The following SLC15A5 variants were observed in gnomAD, a reference collection of about 807,000 sequenced individuals.
The protein encoded by SLC15A5 is solute carrier family 15 member 5, also known as Peptide/histidine transporter ENSP00000340402.
SLC15A5 carries 58 observed loss-of-function variants against 56.1 expected under a neutral mutation model. The observed-to-expected ratio is 1.03, with a 90% CI of 0.84 to 1.29. The LOEUF is 1.29. Ranked by LOEUF, SLC15A5 falls within the 50% of genes most tolerant of loss-of-function variation. SLC15A5 has a pLI of 0.00. For missense variants in SLC15A5, 681 were observed against 672.1 expected (o/e 1.01, Z -0.15); for synonymous variants, 264 against 250.5 (o/e 1.05, Z -0.51).
intron 5 of SLC15A5, among the ~76,000 whole-genome samples, chr12:16,227,821 T>C (rs548662061): frequency 6.6e-6 from 1 of 152,324 alleles, no homozygotes; most frequent in South Asian, 2.1e-4. Flanking sequence ...GGTCATGTGC[T>C]GGTTGGTAGA....
chr12:16,203,808 G>A (rs901784945), intron 7 of SLC15A5, among the ~76,000 whole-genome samples: 1 of 151,870 alleles, frequency 6.6e-6, no homozygotes, highest in African/African-American at 2.4e-5. Context: ...AAAGTAAAAG[G>A]GTCAACTGAA....
chr12:16,202,228 T>C (rs984270956), intron 7 of SLC15A5, among the ~76,000 whole-genome samples: 1 of 152,086 alleles, frequency 6.6e-6, no homozygotes, highest in African/African-American at 2.4e-5. Flanking sequence ...CCAAAACATG[T>C]AAGGAATTCA....
In SLC15A5 at chr12:16,235,922, T is replaced by C. The variant is rs1444557605; in HGVS notation, c.1162+3759A>G. ...TATGTATACAGGGACCTACACTGAC[T>C]GTGACTATATCATAAAAGACTTTTA... On this transcript the variant is annotated intron_variant, in intron 5 of 8. Coordinates refer to ENST00000344941, the MANE Select transcript of SLC15A5 (RefSeq NM_001170798.1). This position sits in a 1 kb window ranked among gnomAD's most constrained non-coding sequence, Gnocchi z 4.1. Among the ~76,000 whole-genome samples, 1 of 152,196 alleles carries C rather than the reference T, an allele frequency of 6.6e-6. No individual in the cohort carries two copies. The highest frequency in any genetic ancestry group is 1.5e-5 in the Non-Finnish European group (1 of 68,012).
At chr12:16,245,729 A>G (rs2136791818) in intron 3 of SLC15A5, among the ~76,000 whole-genome samples, 1 of 152,300 alleles carries the variant, frequency 6.6e-6, no homozygotes, top group Non-Finnish European at 1.5e-5. Context: ...TAAATGTGAA[A>G]ATGTTTGTGT....
chr12:16,244,908 A>G (rs1484722166), intron 3 of SLC15A5, 108 bp from the exon 4 acceptor site: 1 of 1,224,314 alleles, frequency 8.2e-7, no homozygotes, highest in African/African-American at 1.5e-5. Context: ...GTGAAGTGAG[A>G]AAGTTTTTAG....
intron 5 of SLC15A5, among the ~76,000 whole-genome samples, chr12:16,238,871 C>T (rs1375056306): frequency 6.6e-6 from 1 of 152,154 alleles, no homozygotes; most frequent in African/African-American, 2.4e-5. Context: ...AGAGCTTTTG[C>T]TATGTGTCTG....
At chr12:16,253,618 C>G (rs1212371145) in intron 3 of SLC15A5, among the ~76,000 whole-genome samples, 1 of 152,034 alleles carries the variant, frequency 6.6e-6, no homozygotes, top group Non-Finnish European at 1.5e-5. Context: ...CACTTCTAAT[C>G]CCAGCATTTT....
At chr12:16,241,967 C>T (rs1864418331) in intron 4 of SLC15A5, among the ~76,000 whole-genome samples, 2 of 152,152 alleles carry the variant, frequency 1.3e-5, no homozygotes, top group South Asian at 2.1e-4. Context: ...GAAATCATCG[C>T]CCTGTAAAAT....
At position 16,237,415 on chromosome 12, in the gene SLC15A5, C is replaced by A. The variant is rs543122824; in HGVS notation, c.1162+2266G>T. On this transcript the variant is annotated intron_variant, in intron 5 of 8. Coordinates refer to ENST00000344941, the MANE Select transcript of SLC15A5 (RefSeq NM_001170798.1). The surrounding 1 kb of genome is among the most constrained non-coding windows in gnomAD (Gnocchi z 4.1). ...AATCAGTATTCTGTACCCAGTGGAA[C>A]GTAGCTTAGTTTCTTTTGAAGTGAG... Among the ~76,000 whole-genome samples the A allele has an allele frequency of 7.2e-5, 11 of 152,252 alleles. No individual in the cohort carries two copies. The highest frequency in any genetic ancestry group is 6.5e-4 in the Admixed American group (10 of 15,296).
intron 7 of SLC15A5, among the ~76,000 whole-genome samples, chr12:16,195,263 G>C (rs78267953): frequency 2.6e-5 from 4 of 151,904 alleles, no homozygotes; most frequent in Admixed American, 2.0e-4. Flanking sequence ...CTCTATCCAC[G>C]TACATACTTT....
chr12:16,217,901 GA>G (rs1044610780), intron 6 of SLC15A5, among the ~76,000 whole-genome samples: 8 of 151,710 alleles, frequency 5.3e-5, no homozygotes, highest in South Asian at 2.1e-4. Context: ...AAAAAACCAC[GA>G]AAAAAATTTT....
At position 16,224,704 on chromosome 12, in the gene SLC15A5, TTTTG is replaced by T. The variant is rs145912135; in HGVS notation, c.1163-106_1163-103del. 2,505 of 1,182,396 alleles carry T rather than the reference TTTTG, an allele frequency of 2.1e-3. 43 individuals are homozygous for T. In the African/African-American group the frequency reaches 0.032, roughly 15 times the overall value. 73.2% of individuals were successfully genotyped at this position (1,182,396 alleles called of 1,614,324 possible). On this transcript the variant is annotated intron_variant, in intron 5 of 8. Coordinates refer to ENST00000344941, the MANE Select transcript of SLC15A5 (RefSeq NM_001170798.1). ...TACCCATTGACATTAGATGTTTCTT[TTTTG>T]TTTGTTTGTTTTTATTTTTTTTTAA...
chr12:16,249,955 A>G (rs1470752909), intron 3 of SLC15A5, among the ~76,000 whole-genome samples: 1 of 152,082 alleles, frequency 6.6e-6, no homozygotes, highest in Non-Finnish European at 1.5e-5. Context: ...ACCGCATTCT[A>G]TAGACTACTA....
At chr12:16,220,201 A>G (rs952611204) in intron 6 of SLC15A5, among the ~76,000 whole-genome samples, 20 of 152,168 alleles carry the variant, frequency 1.3e-4, no homozygotes, top group Non-Finnish European at 4.4e-5. Flanking sequence ...TTAACCCTAA[A>G]AAAGCTTCAG....
chr12:16,239,278 A>G (rs1864387150), intron 5 of SLC15A5, among the ~76,000 whole-genome samples: 1 of 152,248 alleles, frequency 6.6e-6, no homozygotes, highest in Non-Finnish European at 1.5e-5. Context: ...GCTGTAACTT[A>G]CAATACTAAT....
chr12:16,253,584 A>T (rs536682614), intron 3 of SLC15A5, among the ~76,000 whole-genome samples: 1 of 152,222 alleles, frequency 6.6e-6, no homozygotes, highest in South Asian at 2.1e-4. Context: ...TCAAAACCAT[A>T]ATGAGGCTGG....
At chr12:16,270,374 G>A (rs933403400) in intron 2 of SLC15A5, among the ~76,000 whole-genome samples, 3 of 152,036 alleles carry the variant, frequency 2.0e-5, no homozygotes, top group African/African-American at 7.2e-5. Context: ...TTTTTTAAAG[G>A]CACGGCTGAA....
chr12:16,277,348 A>G lies in SLC15A5; in HGVS notation c.338T>C (p.Ile113Thr). Residue 113 changes from isoleucine to threonine, a missense_variant, in exon 1 of 9, where the codon ATT (isoleucine) becomes ACT (threonine). By Grantham distance (89) the Ile-to-Thr change is moderately conservative (BLOSUM62 -1). Coordinates refer to ENST00000344941, the MANE Select transcript of SLC15A5 (RefSeq NM_001170798.1). ...ACCTAGAAAATGTAGAAACAAGCAA[A>G]TGTACACCAGTTTGTTTCTTCCTAA... ...VYLGRNKLVY[I>T]CLFLHFLGTA... 3.3e-6 allele frequency: 5 copies of G among 1,533,120 alleles called. No individual in the cohort carries two copies. The highest frequency in any genetic ancestry group is 2.4e-5 in the East Asian group (1 of 40,862). The allele number at this position is 1,533,120 out of a possible 1,614,324, so 95.0% of individuals were successfully genotyped here.
chr12:16,207,893 T>C (rs943683631), intron 7 of SLC15A5, among the ~76,000 whole-genome samples: 1 of 152,170 alleles, frequency 6.6e-6, no homozygotes, highest in Non-Finnish European at 1.5e-5. Context: ...CCTCAGGTGA[T>C]CTGCCCACCT....
Sources: allele counts gnomAD v4.1 joint callset (sites outside exome capture counted in the v4.1 genomes callset), GRCh38; gene constraint gnomAD v4.1.1; non-coding constraint Gnocchi (gnomAD v3.1); transcripts MANE v1.5; gene names NCBI Gene and HGNC (gene_info 2026-07-23, HGNC 2026-07-21).